DNAH14: variants seen among roughly 807,000 people sequenced by gnomAD.
The protein encoded by DNAH14 is axonemal beta dynein heavy chain 14.
A neutral mutation model predicts 520.9 loss-of-function variants in DNAH14; 478 were observed. The observed-to-expected ratio is 0.92, with a 90% CI of 0.85 to 0.99. The LOEUF is 0.99. DNAH14 is among the 50% of genes least tolerant of loss of function. The pLI is 0.00. For synonymous variants in DNAH14, 1,581 were observed against 1,757.2 expected, an observed-to-expected ratio of 0.90 and a Z score of 2.51; for missense variants, 4,831 against 5,234.5, an observed-to-expected ratio of 0.92 and a Z score of 2.38.
intron 66 of DNAH14, among the ~76,000 whole-genome samples, chr1:225,335,852 T>TAC (rs1491438023): frequency 5.8e-5 from 5 of 86,438 alleles, no homozygotes; most frequent in African/African-American, 2.4e-4. Context: ...CATACACATA[T>TAC]GTACATATAT....
intron 77 of DNAH14, among the ~76,000 whole-genome samples, chr1:225,373,684 G>T (rs1038974917): frequency 6.6e-6 from 1 of 152,164 alleles, no homozygotes; most frequent in Non-Finnish European, 1.5e-5. Context: ...GACGGCTAAA[G>T]TCGGGAGTGG....
At position 225,040,050 on chromosome 1, in the gene DNAH14, G is replaced by A. The variant is rs1293069243; in HGVS notation, c.1488+1227G>A. ...CCTCCTGGGTTCACGCCATTCTCCT[G>A]CCTCAGCCTCCCGAGTAGCTGGGAC... On this transcript the variant is annotated intron_variant, in intron 12 of 85. Transcript: ENST00000682510. 3.2e-4 allele frequency among the ~76,000 whole-genome samples: 48 copies of A among 148,088 alleles called. 1 individual carries two copies. The highest frequency in any genetic ancestry group is 2.7e-4 in the Admixed American group (4 of 14,744).
At chr1:225,094,680 AACAAAACAAACAAAC>A (rs766591973) in intron 21 of DNAH14, among the ~76,000 whole-genome samples, 18 of 78,216 alleles carry the variant, frequency 2.3e-4, no homozygotes, top group African/African-American at 1.9e-3. Flanking sequence ...AAAAAAAAAC[AACAAAACAAACAAAC>A]AAAAAAACGC....
chr1:225,059,008 T>G (rs1232753831), intron 17 of DNAH14, among the ~76,000 whole-genome samples: 1 of 152,214 alleles, frequency 6.6e-6, no homozygotes, highest in Non-Finnish European at 1.5e-5. Context: ...TTCTGTTGAT[T>G]TGAGGTGGAG....
chr1:224,935,552 C>T (rs2058976325), intron 1 of DNAH14, among the ~76,000 whole-genome samples: 1 of 151,822 alleles, frequency 6.6e-6, no homozygotes, highest in Non-Finnish European at 1.5e-5. Flanking sequence ...ATGCAACCAA[C>T]ACTGGAGCAC....
At chr1:225,304,668 C>T (rs761515345) in intron 57 of DNAH14, among the ~76,000 whole-genome samples, 11 of 152,052 alleles carry the variant, frequency 7.2e-5, no homozygotes, top group African/African-American at 1.7e-4. Flanking sequence ...GAGTAACATA[C>T]GGGTAAAGCC....
rs536913700 is a variant in DNAH14 at position 225,335,999 on chromosome 1, A to C, written c.10081-1267A>C. Among the ~76,000 whole-genome samples, 120 of 85,674 alleles carry C rather than the reference A, an allele frequency of 1.4e-3. 3 individuals are homozygous for C. The East Asian group carries it at 0.045, about 32-fold the overall frequency. 56.2% of individuals were successfully genotyped at this position (85,674 alleles called of 152,430 possible). A position where few individuals can be genotyped will look rare whatever the true frequency, so the allele number is the denominator to read the frequency against. On this transcript the variant is annotated intron_variant, in intron 66 of 85. Coordinates refer to ENST00000682510, the MANE Select transcript of DNAH14 (RefSeq NM_001367479.1). ...CATATGTGTATATACACACATATGC[A>C]TATATGTATACGCATATATGCATAT...
At chr1:225,372,911 C>T (rs145216630) in intron 77 of DNAH14, among the ~76,000 whole-genome samples, 2 of 142,976 alleles carry the variant, frequency 1.4e-5, no homozygotes, top group Admixed American at 1.4e-4. Flanking sequence ...AAATGACCAA[C>T]GGACATAAGA....
intron 12 of DNAH14, among the ~76,000 whole-genome samples, chr1:225,039,109 C>A (rs989524996): frequency 2.6e-5 from 4 of 152,100 alleles, no homozygotes; most frequent in African/African-American, 7.2e-5. Flanking sequence ...ATACCAAATT[C>A]TCTGACCTCT....
intron 64 of DNAH14, among the ~76,000 whole-genome samples, chr1:225,326,425 A>G (rs79849950): frequency 6.6e-4 from 101 of 152,302 alleles, no homozygotes; most frequent in African/African-American, 2.3e-3. Context: ...GTAGAAGCAG[A>G]GTCTTGGAGG....
intron 41 of DNAH14, among the ~76,000 whole-genome samples, chr1:225,218,354 A>T (rs2149492547): frequency 1.3e-5 from 2 of 152,310 alleles, no homozygotes; most frequent in East Asian, 3.9e-4. Flanking sequence ...TGAAAGACAC[A>T]GACTGGCTCA....
chr1:225,371,787 G>C (rs1202525060), intron 77 of DNAH14, among the ~76,000 whole-genome samples: 1 of 152,062 alleles, frequency 6.6e-6, no homozygotes, highest in East Asian at 1.9e-4. Flanking sequence ...AATGGAAGTA[G>C]GCAAAACCGT....
At chr1:225,035,059 T>G (rs1572607139) in intron 11 of DNAH14, among the ~76,000 whole-genome samples, 1 of 151,538 alleles carries the variant, frequency 6.6e-6, no homozygotes, top group African/African-American at 2.4e-5. Flanking sequence ...AATGTTTTTT[T>G]TGTGTGTGTG....
chr1:225,168,153 T>C (rs1367730424), intron 36 of DNAH14, 125 bp downstream of exon 36: 1 of 609,662 alleles, frequency 1.6e-6, no homozygotes, highest in African/African-American at 2.0e-5. Flanking sequence ...TTAAAGTCAT[T>C]TATTAATTGT....
At position 225,216,319 on chromosome 1, in the gene DNAH14, G is replaced by T. The variant is rs866329063; in HGVS notation, c.6439+9099G>T. ...GGTAACCCAACCTTTCTCTCTGGCT[G>T]CCCTTAATGTTTTTTCCTTCATTTC... On this transcript the variant is annotated intron_variant, in intron 41 of 85. Coordinates refer to ENST00000682510, the MANE Select transcript of DNAH14 (RefSeq NM_001367479.1). Among the ~76,000 whole-genome samples, 5 of 152,268 alleles carry T rather than the reference G, an allele frequency of 3.3e-5. No homozygotes were observed. The South Asian group carries it at 1.0e-3, about 32-fold the overall frequency.
chr1:225,196,412 G>A (rs34524645), intron 38 of DNAH14, among the ~76,000 whole-genome samples: 19,433 of 152,066 alleles, frequency 0.13, 1,391 homozygotes, highest in East Asian at 0.31. Context: ...TTATCCACTT[G>A]TTGATTGATG....
At chr1:225,023,238 A>C (rs569417864) in intron 10 of DNAH14, among the ~76,000 whole-genome samples, 5 of 152,322 alleles carry the variant, frequency 3.3e-5, no homozygotes, top group African/African-American at 1.2e-4. Flanking sequence ...CTCAGAACCT[A>C]AAATAAAAGT....
At chr1:225,122,209 GT>G (rs1413972908) in intron 26 of DNAH14, among the ~76,000 whole-genome samples, 1 of 152,052 alleles carries the variant, frequency 6.6e-6, no homozygotes, top group Non-Finnish European at 1.5e-5. Context: ...CTTTTTGATG[GT>G]ACTAGTTTTT....
chr1:225,359,060 C>T (rs533598379), intron 74 of DNAH14, among the ~76,000 whole-genome samples: 5 of 152,274 alleles, frequency 3.3e-5, no homozygotes, highest in East Asian at 1.9e-4. Context: ...CAGACTAATA[C>T]AATGATGATA....
Sources: gnomAD v4.1 joint callset for allele counts (sites outside exome capture counted in the v4.1 genomes callset) on GRCh38, gnomAD v4.1.1 for gene constraint, MANE v1.5 for transcripts, NCBI Gene and HGNC (gene_info 2026-07-23, HGNC 2026-07-21) for gene names.